The following BCAS1 variants were observed in gnomAD, a reference collection of about 807,000 sequenced individuals.
BCAS1 encodes brain enriched myelin associated protein 1, also known as breast carcinoma-amplified sequence 1.
Under a neutral mutation model 65.4 loss-of-function variants are expected in BCAS1, and 46 were observed. The observed-to-expected ratio is 0.70, with a 90% CI of 0.55 to 0.90. BCAS1 has a LOEUF of 0.90. Among genes scored for constraint, BCAS1 ranks in the 40% least tolerant of loss-of-function variants. The probability of loss-of-function intolerance (pLI) is 0.00; values close to 1 mark genes in which losing one functional copy is unlikely to be tolerated. For missense variants in BCAS1, 793 were observed against 771.2 expected, an observed-to-expected ratio of 1.03 and a Z score of -0.33; for synonymous variants, 298 against 293.5, an observed-to-expected ratio of 1.02 and a Z score of -0.16.
At position 54,016,599 on chromosome 20, in the gene BCAS1, T is replaced by C. The variant is rs137979289; in HGVS notation, c.723+11793A>G. ...GCATGTGTGTTTGAAGACTTTAAAA[T>C]TGCATACTGCCAAAGCGCCACGGTG... On this transcript the variant is annotated intron_variant, in intron 4 of 12. Coordinates refer to ENST00000688948, the MANE Select transcript of BCAS1 (RefSeq NM_001366298.2). Among the ~76,000 whole-genome samples, 1,043 of 152,344 alleles carry C rather than the reference T, an allele frequency of 6.8e-3. 7 individuals are homozygous for C. Among genetic ancestry groups the C allele is most frequent in the South Asian group, 0.043 (208 of 4,820 alleles).
intron 10 of BCAS1, 108 bp from the exon 11 acceptor site, chr20:53,957,605 G>T (rs772266108): frequency 1.9e-6 from 2 of 1,072,044 alleles, no homozygotes; most frequent in South Asian, 1.3e-5. Context: ...GAGGTTTGGG[G>T]TCAAGACAAA....
Position 53,992,571 on chromosome 20 carries a change from T to C in BCAS1, c.1003A>G (p.Lys335Glu). ...TSEIQARGTK[K>E]KHLDSPRLGL... ...AGCCTGGGGCTATCCAGGTGCTTTT[T>C]CTTGGTGCCTCTAGCCTGGATCTCG... Residue 335 changes from lysine to glutamate, a missense_variant, in exon 7 of 13, where the codon AAA (lysine) becomes GAA (glutamate). By Grantham distance (56) the Lys-to-Glu change is moderately conservative. Transcript: ENST00000688948. 2.9e-6 allele frequency: 4 copies of C among 1,365,652 alleles called. No homozygotes were observed. The highest frequency in any genetic ancestry group is 2.9e-6 in the Non-Finnish European group (3 of 1,021,666). The allele number at this position is 1,365,652 out of a possible 1,614,324, so 84.6% of individuals were successfully genotyped here.
chr20:53,964,786 G>C (rs73137786), intron 10 of BCAS1, among the ~76,000 whole-genome samples: 4,831 of 148,728 alleles, frequency 0.032, 108 homozygotes, highest in Middle Eastern at 0.096. Flanking sequence ...TGGATGCTGT[G>C]AGTGGTTTAG....
intron 8 of BCAS1, among the ~76,000 whole-genome samples, chr20:53,979,409 G>T (rs115499517): frequency 6.6e-6 from 1 of 152,174 alleles, no homozygotes; most frequent in Non-Finnish European, 1.5e-5. Flanking sequence ...GGAGAAAAAG[G>T]GCTGTATGGA....
At chr20:54,025,155 G>A (rs114013802) in intron 4 of BCAS1, among the ~76,000 whole-genome samples, 1,534 of 152,226 alleles carry the variant, frequency 0.01, 11 homozygotes, top group South Asian at 0.042. Context: ...CACTTTATGC[G>A]CCCCACACCC....
At chr20:54,045,672 A>T (rs1048267504) in intron 3 of BCAS1, among the ~76,000 whole-genome samples, 3 of 152,280 alleles carry the variant, frequency 2.0e-5, no homozygotes, top group African/African-American at 7.2e-5. Flanking sequence ...CAACAAACTT[A>T]AAATTATATA....
rs184844714 is a variant in BCAS1 at position 54,017,258 on chromosome 20, T to C, written c.723+11134A>G. The stretch of plus-strand genomic sequence containing the variant: ...ACTTGAGTTCCAATGGCAAGTAAAA[T>C]GTGGGTAGAGAATTAAGCAATAAAA... On this transcript the variant is annotated intron_variant, in intron 4 of 12. Transcript: ENST00000688948. 1.5e-3 allele frequency among the ~76,000 whole-genome samples: 224 copies of C among 152,224 alleles called. 1 individual carries two copies. The highest frequency in any genetic ancestry group is 5.3e-3 in the African/African-American group (222 of 41,530).
intron 4 of BCAS1, among the ~76,000 whole-genome samples, chr20:54,014,696 C>T (rs1460320476): frequency 1.3e-5 from 2 of 152,174 alleles, no homozygotes; most frequent in African/African-American, 4.8e-5. Context: ...CATGACTCCA[C>T]TCCTTTCCAT....
chr20:53,958,155 A>G (rs1339573638), intron 10 of BCAS1, among the ~76,000 whole-genome samples: 1 of 152,184 alleles, frequency 6.6e-6, no homozygotes, highest in African/African-American at 2.4e-5. Context: ...CAGAGGCTCA[A>G]TGATCTGCAT....
chr20:53,997,208 C>T (rs2276493), intron 4 of BCAS1, among the ~76,000 whole-genome samples: 12,179 of 152,222 alleles, frequency 0.08, 1,572 homozygotes, highest in African/African-American at 0.28. Context: ...ACTACAAACT[C>T]GACAAAGACA....
intron 8 of BCAS1, among the ~76,000 whole-genome samples, chr20:53,979,099 A>G (rs368163013): frequency 1.3e-5 from 2 of 152,162 alleles, no homozygotes; most frequent in Admixed American, 6.5e-5. Flanking sequence ...CCTCATTTAC[A>G]TGGGAGTTGG....
chr20:54,041,119 A>G (rs1219172102), intron 3 of BCAS1, among the ~76,000 whole-genome samples: 1 of 151,422 alleles, frequency 6.6e-6, no homozygotes, highest in Non-Finnish European at 1.5e-5. Context: ...TAAAGTGTCT[A>G]GAATAGGCAA....
At chr20:53,981,687 A>T (rs2090485319) in intron 8 of BCAS1, among the ~76,000 whole-genome samples, 1 of 152,114 alleles carries the variant, frequency 6.6e-6, no homozygotes. Context: ...CTGAGATTTG[A>T]TAATGTCTCT....
chr20:53,978,186 C>T (rs2090384568), intron 8 of BCAS1, among the ~76,000 whole-genome samples: 1 of 151,864 alleles, frequency 6.6e-6, no homozygotes, highest in Non-Finnish European at 1.5e-5. Flanking sequence ...ATGATGAGTT[C>T]ACATCCTTTA....
In BCAS1 at chr20:53,967,081, A is replaced by T. The variant is rs760299485; in HGVS notation, c.1318-8T>A. 4.4e-6 allele frequency: 7 copies of T among 1,598,146 alleles called. No individual in the cohort carries two copies. The Admixed American group carries it at 1.1e-4, about 24-fold the overall frequency. ...TGGTGACTCACACACCACCTGGATT[A>T]TTTTGCCAGGTAATAAGAAAATGAA... is the stretch of plus-strand genomic sequence containing the variant. On this transcript the variant is annotated splice_region_variant and splice_polypyrimidine_tract_variant and intron_variant, in intron 9 of 12. Transcript: ENST00000688948.
intron 12 of BCAS1, among the ~76,000 whole-genome samples, chr20:53,945,594 T>C (rs2089288690): frequency 6.6e-6 from 1 of 152,064 alleles, no homozygotes; most frequent in African/African-American, 2.4e-5. Flanking sequence ...TCTCAGAACA[T>C]ACCACTCTCT....
chr20:53,944,139 C>A lies in BCAS1; in HGVS notation c.*783G>T, dbSNP rs2089231099. ...TTCCTTTTTCTATACCCCACACATT[C>A]CGTTCTAGGAAATTGGCAACCACCC... On this transcript the variant is annotated 3_prime_UTR_variant, in exon 13 of 13. Coordinates refer to ENST00000688948, the MANE Select transcript of BCAS1 (RefSeq NM_001366298.2). The A allele has an allele frequency of 6.6e-6, 1 of 152,118 alleles. No individual in the cohort carries two copies. Among genetic ancestry groups the A allele is most frequent in the African/African-American group, 2.4e-5 (1 of 41,414 alleles). 9.4% of individuals were successfully genotyped at this position (152,118 alleles called of 1,614,324 possible). A position where few individuals can be genotyped will look rare whatever the true frequency, so the allele number is the denominator to read the frequency against.
chr20:53,984,285 T>C (rs539010883), intron 8 of BCAS1, among the ~76,000 whole-genome samples: 1 of 152,292 alleles, frequency 6.6e-6, no homozygotes, highest in East Asian at 1.9e-4. Flanking sequence ...AGATAAGTAA[T>C]GGTGGGTGAT....
chr20:54,064,578 T>A (rs773319103), intron 1 of BCAS1, among the ~76,000 whole-genome samples: 1 of 152,182 alleles, frequency 6.6e-6, no homozygotes, highest in Non-Finnish European at 1.5e-5. Flanking sequence ...AGCTGGTTAT[T>A]CAGAAGCAAG....
Sources: allele counts gnomAD v4.1 joint callset (sites outside exome capture counted in the v4.1 genomes callset), GRCh38; gene constraint gnomAD v4.1.1; transcripts MANE v1.5; gene names NCBI Gene and HGNC (gene_info 2026-07-23, HGNC 2026-07-21).